Variants in ZMAT4 observed in about 807,000 individuals in gnomAD.
ZMAT4 encodes zinc finger matrin-type protein 4.
A neutral mutation model predicts 28.7 loss-of-function variants in ZMAT4; 17 were observed. The observed-to-expected ratio is 0.59, with a 90% CI of 0.41 to 0.89. The LOEUF (loss-of-function observed/expected upper bound fraction) is 0.89. ZMAT4 is among the 40% of genes least tolerant of loss of function. ZMAT4 has a pLI of 0.00. For missense variants in ZMAT4, 240 were observed against 283.8 expected (o/e 0.85, Z 1.11); for synonymous variants, 117 against 109.2 (o/e 1.07, Z -0.44).
intron 1 of ZMAT4, among the ~76,000 whole-genome samples, chr8:40,842,836 C>T (rs1490517614): frequency 2.0e-5 from 3 of 152,170 alleles, no homozygotes; most frequent in Non-Finnish European, 2.9e-5. Flanking sequence ...AGTGCAATGG[C>T]GCGATCTCTG....
At chr8:40,610,847 A>C (rs574890685) in intron 5 of ZMAT4, among the ~76,000 whole-genome samples, 1 of 144,442 alleles carries the variant, frequency 6.9e-6, no homozygotes, top group Non-Finnish European at 1.6e-5. Context: ...AGAAAAAATG[A>C]AAAAAAAAAG....
chr8:40,533,052 T>G (rs530200975), intron 6 of ZMAT4, among the ~76,000 whole-genome samples: 23 of 152,310 alleles, frequency 1.5e-4, no homozygotes, highest in African/African-American at 5.3e-4. Flanking sequence ...GAGAGCCAAT[T>G]TTTGAAGGAT....
intron 5 of ZMAT4, among the ~76,000 whole-genome samples, chr8:40,660,420 C>G (rs1029960145): frequency 5.9e-5 from 9 of 152,192 alleles, no homozygotes; most frequent in Non-Finnish European, 1.5e-5. Context: ...GCATTACCTG[C>G]TAGCTTAGAA....
intron 5 of ZMAT4, among the ~76,000 whole-genome samples, chr8:40,584,134 T>C (rs1198473975): frequency 6.6e-6 from 1 of 152,182 alleles, no homozygotes; most frequent in African/African-American, 2.4e-5. Flanking sequence ...CCTGAGTTTA[T>C]TTTCCTTTCA....
At chr8:40,853,262 TTAA>T (rs1433684556) in intron 1 of ZMAT4, among the ~76,000 whole-genome samples, 2 of 152,152 alleles carry the variant, frequency 1.3e-5, no homozygotes, top group Non-Finnish European at 2.9e-5. Flanking sequence ...TTTAATACAA[TTAA>T]TAATTTGTGG....
intron 5 of ZMAT4, among the ~76,000 whole-genome samples, chr8:40,672,287 A>T (rs1808706414): frequency 6.6e-6 from 1 of 152,120 alleles, no homozygotes; most frequent in Non-Finnish European, 1.5e-5. Context: ...TTGATCATAC[A>T]TTAGAAGCAT....
At chr8:40,683,929 G>C (rs996292742) in intron 4 of ZMAT4, among the ~76,000 whole-genome samples, 1 of 151,998 alleles carries the variant, frequency 6.6e-6, no homozygotes, top group Non-Finnish European at 1.5e-5. Context: ...GATGGGCATG[G>C]TGGCACGCGC....
intron 6 of ZMAT4, among the ~76,000 whole-genome samples, chr8:40,537,419 C>T (rs965172744): frequency 5.3e-5 from 8 of 152,102 alleles, no homozygotes; most frequent in African/African-American, 1.9e-4. Context: ...TGGGAACATT[C>T]AAGAAATTGG....
chr8:40,566,558 G>T (rs561946340), intron 6 of ZMAT4, among the ~76,000 whole-genome samples: 3 of 152,192 alleles, frequency 2.0e-5, no homozygotes, highest in African/African-American at 4.8e-5. Context: ...ACTCTCACGG[G>T]ATGTGGAATA....
intron 3 of ZMAT4, among the ~76,000 whole-genome samples, chr8:40,714,941 T>C (rs1002271375): frequency 1.3e-5 from 2 of 148,338 alleles, no homozygotes; most frequent in Admixed American, 1.4e-4. Flanking sequence ...CCCAGCTACT[T>C]GGGAGGCTGA....
intron 6 of ZMAT4, 127 bp from the exon 7 acceptor site, chr8:40,532,365 A>G (rs1802717582): frequency 3.0e-6 from 2 of 676,946 alleles, no homozygotes; most frequent in East Asian, 3.1e-5. Context: ...ATTCAAATGC[A>G]TCTGAATTTG....
chr8:40,757,681 C>T (rs1481220169), intron 3 of ZMAT4, among the ~76,000 whole-genome samples: 1 of 152,038 alleles, frequency 6.6e-6, no homozygotes, highest in Non-Finnish European at 1.5e-5. Flanking sequence ...ATTTATGTAT[C>T]CATCAAATAT....
intron 2 of ZMAT4, among the ~76,000 whole-genome samples, chr8:40,795,419 A>C (rs1250456991): frequency 6.6e-6 from 1 of 152,238 alleles, no homozygotes; most frequent in Non-Finnish European, 1.5e-5. Flanking sequence ...TCACCAGACC[A>C]TGAGACTGTT....
At chr8:40,617,150 T>C (rs1400400882) in intron 5 of ZMAT4, among the ~76,000 whole-genome samples, 2 of 152,130 alleles carry the variant, frequency 1.3e-5, no homozygotes, top group African/African-American at 4.8e-5. Flanking sequence ...AAGTAAAGGA[T>C]CATATTCTTT....
At chr8:40,660,012 C>T (rs1808115697) in intron 5 of ZMAT4, among the ~76,000 whole-genome samples, 1 of 152,208 alleles carries the variant, frequency 6.6e-6, no homozygotes, top group South Asian at 2.1e-4. Context: ...CACTGCAAAT[C>T]ATTTAACAGT....
chr8:40,690,774 T>A, intron 4 of ZMAT4: 1 of 416,058 alleles, frequency 2.4e-6, no homozygotes, highest in Non-Finnish European at 3.2e-6. Flanking sequence ...GGCATGGAAA[T>A]TTATGTAAAA....
chr8:40,600,523 C>T (rs1458916954), intron 5 of ZMAT4, among the ~76,000 whole-genome samples: 1 of 152,208 alleles, frequency 6.6e-6, no homozygotes, highest in East Asian at 1.9e-4. Context: ...ACATGCTCAG[C>T]CTCGCCTTTG....
At chr8:40,695,224 G>A (rs1809828306) in intron 4 of ZMAT4, among the ~76,000 whole-genome samples, 1 of 152,194 alleles carries the variant, frequency 6.6e-6, no homozygotes, top group Non-Finnish European at 1.5e-5. Flanking sequence ...ACTGCCTCAT[G>A]TCTGACTACT....
intron 6 of ZMAT4, among the ~76,000 whole-genome samples, chr8:40,579,311 G>A (rs191166641): frequency 7.9e-5 from 12 of 152,218 alleles, no homozygotes; most frequent in Admixed American, 7.2e-4. Context: ...ATTGTTGCAG[G>A]TATTTGTGTG....
Sources: allele counts gnomAD v4.1 joint callset (sites outside exome capture counted in the v4.1 genomes callset), GRCh38; gene constraint gnomAD v4.1.1; transcripts MANE v1.5; gene names NCBI Gene and HGNC (gene_info 2026-07-23, HGNC 2026-07-21).